Variants in RCOR1 observed in about 807,000 individuals in gnomAD.
RCOR1 encodes the protein REST corepressor 1.
In RCOR1, 12 loss-of-function variants were observed where a neutral mutation model predicts 64.0. The ratio of observed to expected loss-of-function variants is 0.19; its 90% confidence interval spans 0.12 to 0.30. The LOEUF is 0.30. Among genes scored for constraint, RCOR1 ranks in the 10% least tolerant of loss-of-function variants. The pLI, the probability that RCOR1 is intolerant of heterozygous loss-of-function variation, is 1.00. For synonymous variants in RCOR1, 279 were observed against 227.2 expected (o/e 1.23, Z -2.05); for missense variants, 502 against 621.2 (o/e 0.81, Z 2.04).
chr14:102,595,072 ATTGT>A, intron 2 of RCOR1, among the ~76,000 whole-genome samples: 1 of 152,206 alleles, frequency 6.6e-6, no homozygotes, highest in East Asian at 1.9e-4. Flanking sequence ...TCAGCTCTGC[ATTGT>A]TAGTAATGAG....
At chr14:102,604,085 C>A (rs935196496) in intron 2 of RCOR1, among the ~76,000 whole-genome samples, 1 of 152,044 alleles carries the variant, frequency 6.6e-6, no homozygotes, top group Non-Finnish European at 1.5e-5. Flanking sequence ...CCCCTGATTT[C>A]TAAGATGAAT....
intron 2 of RCOR1, among the ~76,000 whole-genome samples, chr14:102,650,303 A>G (rs923983512): frequency 6.9e-6 from 1 of 145,806 alleles, no homozygotes; most frequent in African/African-American, 2.5e-5. Context: ...GAGGTCAGGA[A>G]TTAGAGGCCT....
intron 3 of RCOR1, among the ~76,000 whole-genome samples, chr14:102,694,008 T>A (rs1895594327): frequency 6.6e-6 from 1 of 152,160 alleles, no homozygotes; most frequent in South Asian, 2.1e-4. Flanking sequence ...AATCTTTTGT[T>A]TTTTGTATGA....
At chr14:102,709,858 C>T (rs1337740992) in intron 6 of RCOR1, among the ~76,000 whole-genome samples, 1 of 152,100 alleles carries the variant, frequency 6.6e-6, no homozygotes, top group Non-Finnish European at 1.5e-5. Context: ...GATTGGATAT[C>T]CTTGAGTGTG....
At chr14:102,628,216 A>G (rs1398878799) in intron 2 of RCOR1, among the ~76,000 whole-genome samples, 2 of 152,138 alleles carry the variant, frequency 1.3e-5, no homozygotes, top group Non-Finnish European at 2.9e-5. Flanking sequence ...CACATTAAGG[A>G]GGGCAGTCTG....
chr14:102,669,016 A>AGG (rs1326084937), intron 2 of RCOR1, among the ~76,000 whole-genome samples: 2 of 152,184 alleles, frequency 1.3e-5, no homozygotes, highest in African/African-American at 2.4e-5. Flanking sequence ...ACCAGACAGG[A>AGG]GGTATATAGT....
At chr14:102,632,563 T>C (rs961164190) in intron 2 of RCOR1, among the ~76,000 whole-genome samples, 3 of 152,004 alleles carry the variant, frequency 2.0e-5, no homozygotes, top group Non-Finnish European at 2.9e-5. Context: ...TTTTTCTTTT[T>C]TCCCCCCTGC....
chr14:102,706,163 G>T (rs1358840077), intron 4 of RCOR1, among the ~76,000 whole-genome samples: 1 of 119,372 alleles, frequency 8.4e-6, no homozygotes, highest in Non-Finnish European at 1.7e-5. Context: ...CAGTAATTCA[G>T]GAAATGAAGG....
chr14:102,721,276 A>G (rs368478256), intron 9 of RCOR1, 44 bp from the exon 10 acceptor site: 4 of 1,528,516 alleles, frequency 2.6e-6, no homozygotes, highest in African/African-American at 1.4e-5. Flanking sequence ...GGACATACTC[A>G]TCTCTAAATG....
At chr14:102,620,779 C>CATTT (rs1893857197) in intron 2 of RCOR1, among the ~76,000 whole-genome samples, 1 of 152,106 alleles carries the variant, frequency 6.6e-6, no homozygotes, top group South Asian at 2.1e-4. Flanking sequence ...CAGTGGCTCC[C>CATTT]ATTTCACTTA....
chr14:102,639,549 A>ATTTAT (rs1894321117), intron 2 of RCOR1, among the ~76,000 whole-genome samples: 1 of 138,872 alleles, frequency 7.2e-6, no homozygotes, highest in Admixed American at 7.2e-5. Flanking sequence ...TTATTTATTT[A>ATTTAT]TTGAGATGGA....
intron 2 of RCOR1, chr14:102,649,683 T>TG (rs531162481): frequency 2.7e-4 from 128 of 482,844 alleles, no homozygotes; most frequent in African/African-American, 2.4e-3. Context: ...AGCAGTTCTG[T>TG]GGGGTAATTC....
intron 2 of RCOR1, among the ~76,000 whole-genome samples, chr14:102,613,767 G>A (rs539981271): frequency 3.9e-4 from 58 of 150,532 alleles, no homozygotes; most frequent in African/African-American, 1.4e-3. Flanking sequence ...ATGTTGCCCA[G>A]GCTGATCTTG....
chr14:102,683,612 C>G (rs532981301), intron 3 of RCOR1, among the ~76,000 whole-genome samples: 1 of 152,250 alleles, frequency 6.6e-6, no homozygotes, highest in African/African-American at 2.4e-5. Context: ...TGGGCAACTT[C>G]TCTTGGGAAT....
intron 3 of RCOR1, among the ~76,000 whole-genome samples, chr14:102,692,312 C>T (rs772900348): frequency 6.6e-6 from 1 of 152,006 alleles, no homozygotes; most frequent in Non-Finnish European, 1.5e-5. Context: ...GTATTGTTTC[C>T]GTGTTTAATT....
At chr14:102,665,620 A>G (rs544851423) in intron 2 of RCOR1, among the ~76,000 whole-genome samples, 136 of 152,282 alleles carry the variant, frequency 8.9e-4, no homozygotes, top group South Asian at 1.7e-3. Flanking sequence ...GGGTTAGTGA[A>G]GCTAAGTAGC....
At chr14:102,708,392 G>T (rs189345737) in intron 5 of RCOR1, 73 bp from the exon 6 acceptor site, 2 of 895,072 alleles carry the variant, frequency 2.2e-6, no homozygotes, top group Non-Finnish European at 3.7e-6. Flanking sequence ...GAGCCGCTGC[G>T]CCCGGCCTTA....
chr14:102,596,530 C>T (rs1723150717), intron 2 of RCOR1, among the ~76,000 whole-genome samples: 1 of 152,094 alleles, frequency 6.6e-6, no homozygotes. Flanking sequence ...TTGATCCTTA[C>T]TAGTTTTTAT....
At chr14:102,721,674 G>A (rs563537904) in intron 10 of RCOR1, 9 of 264,968 alleles carry the variant, frequency 3.4e-5, no homozygotes, top group African/African-American at 2.0e-4. Context: ...ATGTCCTAGT[G>A]GATATCATTT....
Sources: allele counts gnomAD v4.1 joint callset (sites outside exome capture counted in the v4.1 genomes callset), GRCh38; gene constraint gnomAD v4.1.1; transcripts MANE v1.5; gene names NCBI Gene and HGNC (gene_info 2026-07-23, HGNC 2026-07-21).